Variants in NBPF12 observed in about 807,000 individuals in gnomAD.
NBPF12 encodes the protein NBPF family member NBPF12.
Under a neutral mutation model 146.4 loss-of-function variants are expected in NBPF12, and 115 were observed. That is an observed-to-expected ratio of 0.79 (90% CI 0.68 to 0.92). NBPF12 has a LOEUF of 0.92. Among genes scored for constraint, NBPF12 ranks in the 40% least tolerant of loss-of-function variants. The probability of loss-of-function intolerance (pLI) is 0.00; values close to 1 mark genes in which losing one functional copy is unlikely to be tolerated. For synonymous variants in NBPF12, 385 were observed against 508.9 expected, an observed-to-expected ratio of 0.76 and a Z score of 3.28; for missense variants, 1,205 against 1,326.8, an observed-to-expected ratio of 0.91 and a Z score of 1.43.
upstream of NBPF12, among the ~76,000 whole-genome samples, chr1:146,946,885 T>C (rs1300909901): frequency 9.2e-5 from 14 of 152,084 alleles, no homozygotes; most frequent in East Asian, 9.7e-4. Flanking sequence ...TTATTTAGTT[T>C]TTTGCATGTG....
intron 2 of NBPF12, among the ~76,000 whole-genome samples, chr1:146,952,695 T>TA (rs1429459332): frequency 6.8e-6 from 1 of 147,862 alleles, no homozygotes; most frequent in Admixed American, 6.8e-5. Flanking sequence ...CATCCTGTCT[T>TA]ACGCCACTTG....
intron 19 of NBPF12, among the ~76,000 whole-genome samples, chr1:146,982,620 G>A (rs1167299115): frequency 5.2e-4 from 79 of 151,746 alleles, no homozygotes; most frequent in African/African-American, 1.9e-3. Context: ...ATGCAAAGTA[G>A]TTGAAGCCCT....
At chr1:146,972,243 A>C (rs1373987369) in intron 13 of NBPF12, among the ~76,000 whole-genome samples, 2 of 150,874 alleles carry the variant, frequency 1.3e-5, no homozygotes, top group Admixed American at 1.3e-4. Context: ...AAAAATACAA[A>C]AATTAGCTGT....
chr1:146,939,202 C>G (rs1463085278), intron 1 of NBPF12, among the ~76,000 whole-genome samples, 190 bp downstream of exon 1: 2 of 152,006 alleles, frequency 1.3e-5, no homozygotes, highest in African/African-American at 4.8e-5. Flanking sequence ...CTCGTGGGCG[C>G]TGGGGAAGAA....
At chr1:146,954,917 GTGTGTATATA>G (rs1402943957) in intron 2 of NBPF12, among the ~76,000 whole-genome samples, 4 of 124,112 alleles carry the variant, frequency 3.2e-5, no homozygotes, top group Admixed American at 9.3e-5. Context: ...GTGTGTGTGT[GTGTGTATATA>G]TATATATTCA....
At chr1:146,954,969 A>AATATATATATAT (rs1171967177) in intron 2 of NBPF12, among the ~76,000 whole-genome samples, 18 of 53,480 alleles carry the variant, frequency 3.4e-4, no homozygotes, top group Non-Finnish European at 4.5e-4. Flanking sequence ...CCAAATAGGG[A>AATATATATATAT]ATATATATAT....
chr1:146,968,281 G>A (rs1297072886), intron 9 of NBPF12, among the ~76,000 whole-genome samples, 167 bp from the exon 13 acceptor site: 3 of 144,664 alleles, frequency 2.1e-5, no homozygotes, highest in Non-Finnish European at 4.6e-5. Context: ...AGGATCAGAT[G>A]CCAGAAAGTC....
intron 13 of NBPF12, among the ~76,000 whole-genome samples, chr1:146,972,532 A>G (rs1656718280): frequency 6.6e-6 from 1 of 151,670 alleles, no homozygotes; most frequent in South Asian, 2.1e-4. Flanking sequence ...ATAAGCAAGA[A>G]AAGTGTAGAA....
intron 16 of NBPF12, among the ~76,000 whole-genome samples, chr1:146,976,657 A>G (rs1265177849): frequency 1.3e-5 from 2 of 151,724 alleles, no homozygotes; most frequent in African/African-American, 4.9e-5. Flanking sequence ...GCCAAAGTCC[A>G]GAGAGAGGCT....
chr1:146,960,868 C>T (rs1340957761), intron 4 of NBPF12, among the ~76,000 whole-genome samples: 6 of 152,050 alleles, frequency 3.9e-5, no homozygotes, highest in Admixed American at 3.9e-4. Context: ...GGAGTAGGGG[C>T]CGTGCAGCAT....
chr1:146,994,901 A>G (rs1265129506), exon 34 of NBPF12: 3 of 428,844 alleles, frequency 7.0e-6, no homozygotes, highest in Non-Finnish European at 1.3e-5. Context: ...CTGAGCTTCT[A>G]TACCTACTCA....
At chr1:146,941,422 C>CT (rs1158019782) in intron 1 of NBPF12, among the ~76,000 whole-genome samples, 1 of 150,458 alleles carries the variant, frequency 6.6e-6, no homozygotes, top group Non-Finnish European at 1.5e-5. Context: ...CTTTATCAAT[C>CT]TTTTCCTTTA....
At chr1:146,982,686 G>T (rs1657469624) in intron 19 of NBPF12, among the ~76,000 whole-genome samples, 1 of 150,236 alleles carries the variant, frequency 6.7e-6, no homozygotes, top group African/African-American at 2.4e-5. Context: ...GAGTCTGGGT[G>T]CCCTGAGTTG....
At position 146,954,177 on chromosome 1, in the gene NBPF12, G is replaced by T. The variant is rs1293091361; in HGVS notation, c.-184+2688G>T. 6.6e-5 allele frequency among the ~76,000 whole-genome samples: 10 copies of T among 150,400 alleles called. 1 individual carries two copies. In the Admixed American group the frequency reaches 6.7e-4, roughly 10 times the overall value. ...GAAGCCGAGGTGGGCAGATCATGAG[G>T]TCAGGAGATGGAGACCATCACGCCT... is the stretch of plus-strand genomic sequence containing the variant. On this transcript the variant is annotated intron_variant, in intron 2 of 33. Transcript: ENST00000617844.
chr1:146,990,701 T>C (rs1392966719), intron 29 of NBPF12, among the ~76,000 whole-genome samples, 184 bp downstream of exon 32: 1 of 127,572 alleles, frequency 7.8e-6, no homozygotes, highest in Non-Finnish European at 1.6e-5. Context: ...CCTTGTCATT[T>C]ACTAACTTAC....
chr1:146,960,778 G>C (rs1224974687), intron 4 of NBPF12, among the ~76,000 whole-genome samples: 1 of 152,002 alleles, frequency 6.6e-6, no homozygotes, highest in Admixed American at 6.5e-5. Context: ...ATAGTACCCA[G>C]TACCTGCTCT....
chr1:146,982,468 T>C (rs1343029314), intron 19 of NBPF12, among the ~76,000 whole-genome samples: 1 of 150,968 alleles, frequency 6.6e-6, no homozygotes, highest in Admixed American at 6.6e-5. Context: ...GGCTAGTATT[T>C]TTGCAAGAAA....
Position 146,981,021 on chromosome 1 carries a change from A to G in NBPF12, c.2451-1907A>G, listed in dbSNP as rs1657336830. ...TGGAAACCATCATTCTCAGCAAACT[A>G]TTGCAAGGACAAAAAACCAAATACC... is the stretch of plus-strand genomic sequence containing the variant. On this transcript the variant is annotated intron_variant, in intron 19 of 33. Coordinates refer to ENST00000617844, the Ensembl canonical transcript of NBPF12. Among the ~76,000 whole-genome samples, 3 of 138,770 alleles carry G rather than the reference A, an allele frequency of 2.2e-5. No homozygotes were observed. The South Asian group carries it at 7.4e-4, about 34-fold the overall frequency. 91.0% of individuals were successfully genotyped at this position (138,770 alleles called of 152,430 possible). A position where few individuals can be genotyped will look rare whatever the true frequency, so the allele number is the denominator to read the frequency against.
chr1:146,984,511 C>T (rs1374976137), intron 21 of NBPF12, among the ~76,000 whole-genome samples: 3 of 150,398 alleles, frequency 2.0e-5, no homozygotes, highest in Non-Finnish European at 4.4e-5. Context: ...GTCCTGAGAG[C>T]ACAAATACAG....
Sources: gnomAD v4.1 joint callset for allele counts (sites outside exome capture counted in the v4.1 genomes callset) on GRCh38, gnomAD v4.1.1 for gene constraint, MANE v1.5 for transcripts, NCBI Gene and HGNC (gene_info 2026-07-23, HGNC 2026-07-21) for gene names.